Variants in CADPS observed in about 807,000 individuals in gnomAD.
CADPS encodes the protein calcium dependent secretion activator, also known as calcium-dependent secretion activator 1.
Under a neutral mutation model 167.3 loss-of-function variants are expected in CADPS, and 57 were observed. The observed-to-expected ratio is 0.34, with a 90% CI of 0.28 to 0.42. The LOEUF (loss-of-function observed/expected upper bound fraction) is 0.42. Ranked by LOEUF, CADPS falls within the 20% of genes least tolerant of loss-of-function variation. The pLI is 1.00. For missense variants in CADPS, 1,414 were observed against 1,738.1 expected (o/e 0.81, Z 3.32); for synonymous variants, 676 against 635.3 (o/e 1.06, Z -0.96).
At chr3:62,493,005 A>T (rs1408230760) in intron 19 of CADPS, among the ~76,000 whole-genome samples, 1 of 152,208 alleles carries the variant, frequency 6.6e-6, no homozygotes, top group African/African-American at 2.4e-5. Flanking sequence ...ATTGTCACAA[A>T]ACTTTTGAGT....
intron 26 of CADPS, among the ~76,000 whole-genome samples, chr3:62,457,790 A>C (rs141002721): frequency 7.9e-5 from 12 of 152,342 alleles, no homozygotes; most frequent in South Asian, 2.1e-4. Flanking sequence ...TTGCAGGGAC[A>C]TGGATGAAGC....
intron 3 of CADPS, among the ~76,000 whole-genome samples, chr3:62,751,384 T>C (rs976524816): frequency 6.6e-6 from 1 of 152,144 alleles, no homozygotes; most frequent in Non-Finnish European, 1.5e-5. Flanking sequence ...GATTTAGATA[T>C]GAATAGAGAG....
At chr3:62,765,613 G>A (rs2086627205) in intron 2 of CADPS, among the ~76,000 whole-genome samples, 2 of 152,234 alleles carry the variant, frequency 1.3e-5, no homozygotes, top group Non-Finnish European at 1.5e-5. Context: ...TAATTCATAA[G>A]ACTGTTATAT....
At position 62,465,021 on chromosome 3, in the gene CADPS, T is replaced by A. The variant is rs949884233; in HGVS notation, c.3636+346A>T. On this transcript the variant is annotated intron_variant, in intron 26 of 29. Transcript: ENST00000383710. This position sits in a 1 kb window ranked among gnomAD's most constrained non-coding sequence, Gnocchi z 4.1. ...CATTTAAAACTCTAAAATTAATTTT[T>A]CTTATTTACAGATGAGGAAATGGTG... Among the ~76,000 whole-genome samples the A allele has an allele frequency of 1.3e-5, 2 of 152,198 alleles. No individual in the cohort carries two copies. The highest frequency in any genetic ancestry group is 2.9e-5 in the Non-Finnish European group (2 of 68,038).
At chr3:62,857,312 A>G (rs535730336) in intron 1 of CADPS, among the ~76,000 whole-genome samples, 1 of 152,246 alleles carries the variant, frequency 6.6e-6, no homozygotes, top group African/African-American at 2.4e-5. Context: ...CTCATGCTCC[A>G]CTAGTGGGAG....
At chr3:62,604,077 G>A (rs974118458) in intron 6 of CADPS, among the ~76,000 whole-genome samples, 16 of 151,802 alleles carry the variant, frequency 1.1e-4, no homozygotes, top group African/African-American at 1.9e-4. Context: ...TGATCAGCCC[G>A]CCTCAGCCTC....
intron 3 of CADPS, among the ~76,000 whole-genome samples, chr3:62,668,012 G>T (rs2074796714): frequency 6.6e-6 from 1 of 152,050 alleles, no homozygotes; most frequent in Admixed American, 6.5e-5. Context: ...AGCTACCCCT[G>T]GGCATGCCTG....
intron 4 of CADPS, among the ~76,000 whole-genome samples, chr3:62,653,568 C>CT (rs1354398616): frequency 6.6e-6 from 1 of 152,066 alleles, no homozygotes; most frequent in African/African-American, 2.4e-5. Context: ...GTCTTTCCTG[C>CT]TGGGCAATGA....
At position 62,671,113 on chromosome 3, in the gene CADPS, T is replaced by C. The variant is rs117005144; in HGVS notation, c.889-8719A>G. On this transcript the variant is annotated intron_variant, in intron 3 of 29. Coordinates refer to ENST00000383710, the MANE Select transcript of CADPS (RefSeq NM_003716.4). ...ATTTGCAAAGTGGGAGTCCTAACAG[T>C]AACAATGCCAACAGCAGAGGCTTGT... Among the ~76,000 whole-genome samples the C allele has an allele frequency of 7.9e-5, 12 of 152,292 alleles. No homozygotes were observed. In the East Asian group the frequency reaches 2.1e-3, roughly 27 times the overall value.
chr3:62,846,908 T>A (rs1282386697), intron 1 of CADPS, among the ~76,000 whole-genome samples: 1 of 152,182 alleles, frequency 6.6e-6, no homozygotes, highest in Non-Finnish European at 1.5e-5. Context: ...CCTCAAGTGA[T>A]CCACCTGCCT....
At chr3:62,764,551 A>T (rs1236522051) in intron 2 of CADPS, among the ~76,000 whole-genome samples, 1 of 152,236 alleles carries the variant, frequency 6.6e-6, no homozygotes, top group East Asian at 1.9e-4. Flanking sequence ...ATTAAATGCT[A>T]ATTAGCAAAC....
At position 62,493,663 on chromosome 3, in the gene CADPS, T is replaced by C; in HGVS notation, c.2709A>G (p.Pro903=). The C allele has an allele frequency of 6.4e-7, 1 of 1,555,470 alleles. No individual in the cohort carries two copies. Among genetic ancestry groups the C allele is most frequent in the Non-Finnish European group, 8.7e-7 (1 of 1,148,300 alleles). ...TACTTACTTCTCCTTTATCAACATGTGGCTGGTTTGCAAATTAAATGAAAA... is the reference window on the plus strand; with the variant it reads ...TACTTACTTCTCCTTTATCAACATGCGGCTGGTTTGCAAATTAAATGAAAA... The part of the protein sequence containing the change: ...LQQNEEHHAE[P]HVDKGEAFAW... Residue 903 remains proline, a splice_region_variant and synonymous_variant, in exon 19 of 30, where the codon CCA becomes CCG. Coordinates refer to ENST00000383710, the MANE Select transcript of CADPS (RefSeq NM_003716.4).
At chr3:62,524,532 G>A (rs1484711891) in intron 13 of CADPS, among the ~76,000 whole-genome samples, 3 of 152,138 alleles carry the variant, frequency 2.0e-5, no homozygotes, top group African/African-American at 7.2e-5. Context: ...AGCTTCCTGG[G>A]GCTAATAATT....
At chr3:62,426,540 G>A (rs910475621) in intron 28 of CADPS, among the ~76,000 whole-genome samples, 1 of 152,206 alleles carries the variant, frequency 6.6e-6, no homozygotes, top group Non-Finnish European at 1.5e-5. Flanking sequence ...CATGCACTGT[G>A]GTTTGTGCTT....
intron 13 of CADPS, among the ~76,000 whole-genome samples, chr3:62,522,926 G>A (rs553571334): frequency 3.3e-5 from 5 of 152,174 alleles, no homozygotes; most frequent in African/African-American, 1.2e-4. Flanking sequence ...AGCCAGAAAT[G>A]AGTCTCTCCA....
At chr3:62,810,722 G>C (rs1356214506) in intron 1 of CADPS, among the ~76,000 whole-genome samples, 1 of 152,196 alleles carries the variant, frequency 6.6e-6, no homozygotes, top group Non-Finnish European at 1.5e-5. Flanking sequence ...CTTCACTCTT[G>C]AGTGTCTTTG....
intron 28 of CADPS, among the ~76,000 whole-genome samples, chr3:62,428,296 C>CTTT (rs34002756): frequency 0.03 from 1,939 of 64,394 alleles, 294 homozygotes; most frequent in East Asian, 0.11. Context: ...GGAAGCAAGA[C>CTTT]TTTTTTTTTT....
At chr3:62,476,837 T>C (rs139001376) in intron 23 of CADPS, among the ~76,000 whole-genome samples, 18 of 152,284 alleles carry the variant, frequency 1.2e-4, no homozygotes, top group African/African-American at 4.3e-4. Flanking sequence ...CGCAAAAAGT[T>C]TTTTTATGGA....
Position 62,544,180 on chromosome 3 carries a change from T to C in CADPS, c.1966+5723A>G, listed in dbSNP as rs1365033521. Among the ~76,000 whole-genome samples the C allele has an allele frequency of 6.6e-6, 1 of 152,122 alleles. No individual in the cohort carries two copies. Among genetic ancestry groups the C allele is most frequent in the Admixed American group, 6.6e-5 (1 of 15,240 alleles). ...TTTTTGTGTGTGCTAGTTCCATGTA[T>C]TGTAGCTCTCCTTTCAAAATTAATC... On this transcript the variant is annotated intron_variant, in intron 11 of 29. Transcript: ENST00000383710. This position sits in a 1 kb window ranked among gnomAD's most constrained non-coding sequence, Gnocchi z 4.4.
Sources: gnomAD v4.1 joint callset for allele counts (sites outside exome capture counted in the v4.1 genomes callset) on GRCh38, gnomAD v4.1.1 for gene constraint, Gnocchi (gnomAD v3.1) non-coding constraint, MANE v1.5 for transcripts, NCBI Gene and HGNC (gene_info 2026-07-23, HGNC 2026-07-21) for gene names.